Variants in METTL15 observed in about 807,000 individuals in gnomAD.
The protein encoded by METTL15 is 12S rRNA N(4)-cytidine methyltransferase METTL15.
A neutral mutation model predicts 38.3 loss-of-function variants in METTL15; 34 were observed. The observed-to-expected ratio is 0.89, with a 90% CI of 0.68 to 1.18. The LOEUF (loss-of-function observed/expected upper bound fraction) is 1.18. METTL15 is among the 50% of genes most tolerant of loss of function. METTL15 has a pLI of 0.00. For missense variants in METTL15, 438 were observed against 498.4 expected, an observed-to-expected ratio of 0.88 and a Z score of 1.15; for synonymous variants, 162 against 170.9, an observed-to-expected ratio of 0.95 and a Z score of 0.41.
In METTL15 at chr11:28,445,439, C is replaced by T. The variant is rs759677762; in HGVS notation, c.*424+21075C>T. ...TGGTATAGTTATGAAATTCAGGAAA[C>T]TGGACATTGATACAACACTTTAATC... On this transcript the variant is annotated intron_variant and NMD_transcript_variant, in intron 6 of 7. Coordinates refer to the METTL15 transcript ENST00000532947. Among the ~76,000 whole-genome samples, 8 of 152,150 alleles carry T rather than the reference C, an allele frequency of 5.3e-5. No individual in the cohort carries two copies. The South Asian group carries it at 1.2e-3, about 24-fold the overall frequency.
intron 3 of METTL15, among the ~76,000 whole-genome samples, chr11:28,148,512 A>G (rs569079558): frequency 1.3e-5 from 2 of 151,894 alleles, no homozygotes; most frequent in Non-Finnish European, 2.9e-5. Context: ...TCTATGTTCT[A>G]TCAGCATTAT....
intron 6 of METTL15, among the ~76,000 whole-genome samples, chr11:28,501,111 C>T (rs1851579250): frequency 6.6e-6 from 1 of 152,094 alleles, no homozygotes. Flanking sequence ...TGTGTAGTTT[C>T]AGTAATAGAC....
chr11:28,445,141 A>G (rs1000525335), intron 6 of METTL15, among the ~76,000 whole-genome samples: 1 of 152,166 alleles, frequency 6.6e-6, no homozygotes, highest in African/African-American at 2.4e-5. Flanking sequence ...GTGGTGAGGA[A>G]CAGATGAGAA....
intron 6 of METTL15, among the ~76,000 whole-genome samples, chr11:28,514,343 G>A (rs1851701824): frequency 6.6e-6 from 1 of 152,156 alleles, no homozygotes; most frequent in Non-Finnish European, 1.5e-5. Flanking sequence ...GATATGATAT[G>A]TGTTTATAAG....
At chr11:28,369,712 A>T (rs1036949101) in intron 5 of METTL15, among the ~76,000 whole-genome samples, 1 of 152,182 alleles carries the variant, frequency 6.6e-6, no homozygotes, top group Non-Finnish European at 1.5e-5. Context: ...ATGAAGGAGA[A>T]ATAAAGACTT....
chr11:28,188,806 T>G (rs577784345), intron 3 of METTL15, among the ~76,000 whole-genome samples: 1 of 151,376 alleles, frequency 6.6e-6, no homozygotes, highest in Admixed American at 6.6e-5. Context: ...GTGCCAGTTC[T>G]TCTGTTCTCT....
chr11:28,378,364 G>C (rs1850343840), intron 5 of METTL15, among the ~76,000 whole-genome samples: 1 of 152,148 alleles, frequency 6.6e-6, no homozygotes, highest in Admixed American at 6.5e-5. Context: ...GTGGTGCATC[G>C]CTTTTTAAGC....
Position 28,290,372 on chromosome 11 carries a change from T to C in METTL15, c.574T>C (p.Leu192=), listed in dbSNP as rs774545905. The change falls in exon 5 of 7, where the codon TTG becomes CTG. Residue 192 remains leucine, a synonymous_variant. Transcript: ENST00000407364. ...RGFSLRKDGP[L]DMRMDGGRYP... ...TTTTTCCCTTCGGAAAGATGGCCCT[T>C]TGGACATGAGAATGGATGGTGGCAG... The C allele has an allele frequency of 1.2e-6, 2 of 1,613,140 alleles. No homozygotes were observed. Among genetic ancestry groups the C allele is most frequent in the East Asian group, 2.2e-5 (1 of 44,874 alleles).
intron 3 of METTL15, among the ~76,000 whole-genome samples, chr11:28,185,863 T>C (rs1315911553): frequency 6.7e-6 from 1 of 149,772 alleles, no homozygotes; most frequent in Non-Finnish European, 1.5e-5. Flanking sequence ...TTCTGATGTA[T>C]TTGGGGAGAT....
chr11:28,488,624 G>A (rs1851456394), intron 6 of METTL15, among the ~76,000 whole-genome samples: 1 of 152,118 alleles, frequency 6.6e-6, no homozygotes, highest in Non-Finnish European at 1.5e-5. Flanking sequence ...GCAAATTCAA[G>A]ATGTAGCTCT....
intron 5 of METTL15, among the ~76,000 whole-genome samples, chr11:28,397,138 C>G (rs1171155260): frequency 3.3e-5 from 5 of 152,042 alleles, no homozygotes; most frequent in Admixed American, 1.3e-4. Flanking sequence ...CATAAAAACC[C>G]TAGAAGAAAA....
chr11:28,426,584 G>GTTT (rs66959082), intron 6 of METTL15, among the ~76,000 whole-genome samples: 1,834 of 81,656 alleles, frequency 0.022, 61 homozygotes, highest in African/African-American at 0.094. Flanking sequence ...GCCAGCATCT[G>GTTT]TTTTTTTTTT....
At chr11:28,232,180 G>A (rs1853713974) in intron 4 of METTL15, among the ~76,000 whole-genome samples, 1 of 151,796 alleles carries the variant, frequency 6.6e-6, no homozygotes, top group Non-Finnish European at 1.5e-5. Flanking sequence ...CACTTCCTCA[G>A]TAAATATTTA....
chr11:28,357,912 T>C (rs1850103658), intron 4 of METTL15, among the ~76,000 whole-genome samples: 1 of 152,148 alleles, frequency 6.6e-6, no homozygotes, highest in Non-Finnish European at 1.5e-5. Context: ...TCAAGTGTTA[T>C]TGGCAGAATT....
intron 6 of METTL15, among the ~76,000 whole-genome samples, chr11:28,430,946 T>G (rs1477888127): frequency 6.0e-5 from 5 of 83,992 alleles, no homozygotes; most frequent in South Asian, 4.3e-4. Flanking sequence ...GTCCGGGAGG[T>G]GAGGGGCGCC....
chr11:28,127,829 A>T (rs1027791335), intron 3 of METTL15, among the ~76,000 whole-genome samples: 1 of 152,096 alleles, frequency 6.6e-6, no homozygotes, highest in African/African-American at 2.4e-5. Flanking sequence ...AAGTATACCA[A>T]AGAAATCACC....
intron 4 of METTL15, among the ~76,000 whole-genome samples, chr11:28,357,680 T>C (rs1308935702): frequency 6.6e-6 from 1 of 152,178 alleles, no homozygotes; most frequent in African/African-American, 2.4e-5. Context: ...GTCCCCAACC[T>C]ATACCTTCAC....
chr11:28,330,388 T>C lies in METTL15; in HGVS notation c.779-8T>C. On this transcript the variant is annotated splice_polypyrimidine_tract_variant and splice_region_variant and intron_variant, in intron 6 of 6. Coordinates refer to ENST00000407364, the MANE Select transcript of METTL15 (RefSeq NM_001113528.2). ...CTTCTTTTCCTATCTTTACAACATTTGTTTTAGGAGCATTTCCTCCCTCTG... is the reference window on the plus strand; with the variant it reads ...CTTCTTTTCCTATCTTTACAACATTCGTTTTAGGAGCATTTCCTCCCTCTG... 1 of 1,528,290 alleles carries C rather than the reference T, an allele frequency of 6.5e-7. No individual in the cohort carries two copies. Among genetic ancestry groups the C allele is most frequent in the East Asian group, 2.5e-5 (1 of 40,750 alleles). 94.7% of individuals were successfully genotyped at this position (1,528,290 alleles called of 1,614,324 possible).
intron 4 of METTL15, among the ~76,000 whole-genome samples, chr11:28,213,616 T>TA (rs530637462): frequency 0.02 from 2,700 of 132,648 alleles, 40 homozygotes; most frequent in Non-Finnish European, 0.025. Context: ...ATCTAATTCT[T>TA]AAAAAAAAAA....
Sources: gnomAD v4.1 joint callset for allele counts (sites outside exome capture counted in the v4.1 genomes callset) on GRCh38, gnomAD v4.1.1 for gene constraint, MANE v1.5 for transcripts, NCBI Gene and HGNC (gene_info 2026-07-23, HGNC 2026-07-21) for gene names.